The following GTF2IRD1 variants were observed in gnomAD, a reference collection of about 807,000 sequenced individuals.
GTF2IRD1 encodes general transcription factor II-I repeat domain-containing protein 1.
A neutral mutation model predicts 113.2 loss-of-function variants in GTF2IRD1; 26 were observed. That is an observed-to-expected ratio of 0.23 (90% CI 0.17 to 0.32). The LOEUF is 0.32. GTF2IRD1 is among the 10% of genes least tolerant of loss of function. The probability of loss-of-function intolerance (pLI) is 1.00; values close to 1 mark genes in which losing one functional copy is unlikely to be tolerated. For synonymous variants in GTF2IRD1, 484 were observed against 529.1 expected, an observed-to-expected ratio of 0.91 and a Z score of 1.17; for missense variants, 864 against 1,280.8, an observed-to-expected ratio of 0.67 and a Z score of 4.97.
intron 22 of GTF2IRD1, among the ~76,000 whole-genome samples, chr7:74,565,424 C>G (rs1462814913): frequency 6.6e-6 from 1 of 152,080 alleles, no homozygotes; most frequent in African/African-American, 2.4e-5. Flanking sequence ...ACTTAGGAGG[C>G]TAAGGCAGGA....
At chr7:74,558,279 CAAA>C (rs142472718) in intron 20 of GTF2IRD1, among the ~76,000 whole-genome samples, 3 of 60,862 alleles carry the variant, frequency 4.9e-5, no homozygotes, top group African/African-American at 5.9e-5. Context: ...AACTCCGTCT[CAAA>C]AAAAAAAAAA....
chr7:74,524,692 CCTGTCTCTA>C (rs782149966), intron 8 of GTF2IRD1, among the ~76,000 whole-genome samples: 5 of 152,160 alleles, frequency 3.3e-5, no homozygotes, highest in African/African-American at 4.8e-5. Context: ...ATGCCAGAAC[CCTGTCTCTA>C]CTAAAAATAC....
chr7:74,590,605 A>G (rs1268631810), intron 23 of GTF2IRD1, among the ~76,000 whole-genome samples: 4 of 150,852 alleles, frequency 2.7e-5, no homozygotes, highest in Non-Finnish European at 5.9e-5. Flanking sequence ...GTTAGCCACG[A>G]TGGTCTCGAT....
intron 8 of GTF2IRD1, among the ~76,000 whole-genome samples, chr7:74,527,305 A>G (rs782073572): frequency 6.6e-6 from 1 of 152,184 alleles, no homozygotes; most frequent in Non-Finnish European, 1.5e-5. Flanking sequence ...TCTGGGCAAC[A>G]TAGCAAGACC....
chr7:74,462,394 A>G (rs1022939002), intron 1 of GTF2IRD1, among the ~76,000 whole-genome samples: 1 of 152,206 alleles, frequency 6.6e-6, no homozygotes, highest in East Asian at 1.9e-4. Context: ...TGTCTTCTGT[A>G]TATGGTTTTC....
chr7:74,514,930 G>C (rs587692833), intron 3 of GTF2IRD1, among the ~76,000 whole-genome samples: 11 of 151,666 alleles, frequency 7.3e-5, no homozygotes. Flanking sequence ...GGTGGCAGGC[G>C]CCTATAATCC....
intron 1 of GTF2IRD1, among the ~76,000 whole-genome samples, chr7:74,455,489 T>C (rs1792908371): frequency 6.6e-6 from 1 of 152,210 alleles, no homozygotes; most frequent in South Asian, 2.1e-4. Context: ...GCTCATTTAT[T>C]TCAGCAGTGT....
intron 1 of GTF2IRD1, among the ~76,000 whole-genome samples, chr7:74,475,475 CAT>C (rs1175673008): frequency 6.6e-6 from 1 of 152,154 alleles, no homozygotes; most frequent in Non-Finnish European, 1.5e-5. Context: ...GGCCTGGCCT[CAT>C]GTACGTTCCT....
intron 1 of GTF2IRD1, among the ~76,000 whole-genome samples, chr7:74,482,299 C>G (rs1794788914): frequency 6.8e-6 from 1 of 146,028 alleles, no homozygotes; most frequent in African/African-American, 2.6e-5. Flanking sequence ...GCAATCTCGG[C>G]TCACTGCAGC....
chr7:74,490,326 G>A (rs1795266409), intron 1 of GTF2IRD1, among the ~76,000 whole-genome samples: 1 of 152,068 alleles, frequency 6.6e-6, no homozygotes, highest in South Asian at 2.1e-4. Flanking sequence ...CTGGGTGTAA[G>A]ACCCCCTCCC....
At chr7:74,480,741 C>T (rs1397303447) in intron 1 of GTF2IRD1, among the ~76,000 whole-genome samples, 2 of 152,186 alleles carry the variant, frequency 1.3e-5, no homozygotes, top group South Asian at 2.1e-4. Flanking sequence ...CGCATACTGC[C>T]GGCGGCGGCG....
intron 1 of GTF2IRD1, among the ~76,000 whole-genome samples, chr7:74,474,486 G>A (rs983592870): frequency 2.6e-5 from 4 of 152,210 alleles, no homozygotes; most frequent in Admixed American, 2.6e-4. Flanking sequence ...CTGGATTGTG[G>A]TTGACAGTGA....
At chr7:74,480,189 C>T (rs917479448) in intron 1 of GTF2IRD1, among the ~76,000 whole-genome samples, 2 of 151,982 alleles carry the variant, frequency 1.3e-5, no homozygotes, top group Non-Finnish European at 2.9e-5. Context: ...GGTCATTTTC[C>T]CTGCCAGCCT....
At position 74,489,163 on chromosome 7, in the gene GTF2IRD1, T is replaced by C. The variant is rs1490873617; in HGVS notation, c.-6-18912T>C. On this transcript the variant is annotated intron_variant, in intron 1 of 26. Coordinates refer to ENST00000424337, the MANE Select transcript of GTF2IRD1 (RefSeq NM_005685.4). ...TCTCAAAAAGAAAAAAAAAGACTTT[T>C]ACTGTTTCACCCAAAGCTTAGAGAT... 2.6e-5 allele frequency among the ~76,000 whole-genome samples: 4 copies of C among 152,058 alleles called. No individual in the cohort carries two copies. The East Asian group carries it at 7.7e-4, about 29-fold the overall frequency.
Position 74,519,459 on chromosome 7 carries a change from G to A in GTF2IRD1, c.656G>A (p.Gly219Asp), listed in dbSNP as rs2034021457. 2 of 1,585,874 alleles carry A rather than the reference G, an allele frequency of 1.3e-6. No homozygotes were observed. Among genetic ancestry groups the A allele is most frequent in the Non-Finnish European group, 1.7e-6 (2 of 1,166,020 alleles). The change falls in exon 6 of 27, where the codon GGT becomes GAT. Residue 219 changes from glycine to aspartate, a missense_variant. Gly to Asp is a moderately conservative substitution (Grantham distance 94). This residue lies in a region of GTF2IRD1 where 195 missense variants were observed against 196.6 expected (regional missense o/e 0.99). Coordinates refer to ENST00000424337, the MANE Select transcript of GTF2IRD1 (RefSeq NM_005685.4). ...TCGAAGGCCCTGGTGGAGCTGAACGGTGTCTCCCTGATTCCCAAGGGGTCA... is the reference window on the plus strand; with the variant it reads ...TCGAAGGCCCTGGTGGAGCTGAACGATGTCTCCCTGATTCCCAAGGGGTCA... ...RDSKALVELNGVSLIPKGSRD... is the reference protein window; with the variant it reads ...RDSKALVELNDVSLIPKGSRD...
At chr7:74,551,257 C>A (rs746137772) in intron 17 of GTF2IRD1, among the ~76,000 whole-genome samples, 11 of 152,026 alleles carry the variant, frequency 7.2e-5, no homozygotes, top group Non-Finnish European at 8.8e-5. Context: ...GCTCAAGAAT[C>A]ACTTGAACCT....
chr7:74,493,299 A>T (rs1554337205), intron 1 of GTF2IRD1, among the ~76,000 whole-genome samples: 1 of 149,990 alleles, frequency 6.7e-6, no homozygotes, highest in East Asian at 2.0e-4. Flanking sequence ...TTTTGTAGAG[A>T]TGGGGTCTCA....
intron 1 of GTF2IRD1, among the ~76,000 whole-genome samples, chr7:74,492,151 A>G (rs1374182682): frequency 1.3e-5 from 2 of 148,324 alleles, no homozygotes; most frequent in South Asian, 2.2e-4. Context: ...TTACAGGCAC[A>G]CACTACCATT....
chr7:74,554,968 G>A (rs1799509349), intron 17 of GTF2IRD1, among the ~76,000 whole-genome samples: 1 of 152,156 alleles, frequency 6.6e-6, no homozygotes, highest in South Asian at 2.1e-4. Flanking sequence ...CAGGACTGGG[G>A]GGGGTCTCAC....
Sources: allele counts gnomAD v4.1 joint callset (sites outside exome capture counted in the v4.1 genomes callset), GRCh38; gene constraint gnomAD v4.1.1; regional missense constraint gnomAD v4.1.1; transcripts MANE v1.5; gene names NCBI Gene and HGNC (gene_info 2026-07-23, HGNC 2026-07-21).